ZNF804B: variants seen among roughly 807,000 people sequenced by gnomAD.
ZNF804B encodes the protein zinc finger 804B.
ZNF804B carries 80 observed loss-of-function variants against 101.4 expected under a neutral mutation model. The ratio of observed to expected loss-of-function variants is 0.79; its 90% CI spans 0.66 to 0.95. The LOEUF is 0.95. Ranked by LOEUF, ZNF804B falls within the 40% of genes least tolerant of loss-of-function variation. ZNF804B has a pLI of 0.00. For missense variants in ZNF804B, 1,673 were observed against 1,561.9 expected (o/e 1.07, Z -1.20); for synonymous variants, 622 against 558.8 (o/e 1.11, Z -1.59).
chr7:88,978,823 C>G (rs916789260), intron 1 of ZNF804B, among the ~76,000 whole-genome samples: 1 of 148,180 alleles, frequency 6.7e-6, no homozygotes, highest in Admixed American at 6.8e-5. Flanking sequence ...TCCCTCCCTC[C>G]TTCCTTCCTT....
At chr7:89,068,447 C>T (rs1426237800) in intron 1 of ZNF804B, among the ~76,000 whole-genome samples, 2 of 151,856 alleles carry the variant, frequency 1.3e-5, no homozygotes, top group Non-Finnish European at 2.9e-5. Flanking sequence ...TATTTTTATT[C>T]ACTGATTTTT....
intron 1 of ZNF804B, among the ~76,000 whole-genome samples, chr7:88,930,816 T>A (rs1183830832): frequency 6.6e-6 from 1 of 151,934 alleles, no homozygotes; most frequent in Admixed American, 6.6e-5. Context: ...ACATGCAGAA[T>A]CATGCAGGCG....
At chr7:89,170,509 A>T (rs1332192671) in intron 1 of ZNF804B, among the ~76,000 whole-genome samples, 2 of 152,190 alleles carry the variant, frequency 1.3e-5, no homozygotes, top group African/African-American at 4.8e-5. Flanking sequence ...TGAGCTGGGA[A>T]TATTGAAGTT....
At chr7:89,027,626 A>G (rs754525907) in intron 1 of ZNF804B, among the ~76,000 whole-genome samples, 7 of 152,276 alleles carry the variant, frequency 4.6e-5, no homozygotes, top group Non-Finnish European at 8.8e-5. Flanking sequence ...TCCCTCTCTC[A>G]TTATGTATAG....
At chr7:88,937,048 G>A (rs558505810) in intron 1 of ZNF804B, among the ~76,000 whole-genome samples, 46 of 150,742 alleles carry the variant, frequency 3.1e-4, no homozygotes, top group African/African-American at 1.1e-3. Flanking sequence ...TAGCAGATTA[G>A]GCTGTTGGAA....
chr7:89,244,444 G>A (rs1486056441), intron 2 of ZNF804B, among the ~76,000 whole-genome samples: 1 of 151,962 alleles, frequency 6.6e-6, no homozygotes, highest in Non-Finnish European at 1.5e-5. Flanking sequence ...TTTCAGATAT[G>A]TTTTGCTAGA....
At chr7:89,219,881 G>A (rs1267871564) in intron 2 of ZNF804B, among the ~76,000 whole-genome samples, 1 of 135,010 alleles carries the variant, frequency 7.4e-6, no homozygotes, top group African/African-American at 2.8e-5. Context: ...TGTAGTATAT[G>A]TGTGTATATA....
chr7:88,863,728 A>G (rs575833759), intron 1 of ZNF804B, among the ~76,000 whole-genome samples: 1 of 152,298 alleles, frequency 6.6e-6, no homozygotes, highest in African/African-American at 2.4e-5. Flanking sequence ...CTGTGATTTT[A>G]TTGCTAAGAG....
At chr7:89,183,479 A>C (rs1788330371) in intron 1 of ZNF804B, among the ~76,000 whole-genome samples, 1 of 152,170 alleles carries the variant, frequency 6.6e-6, no homozygotes. Context: ...ACTGATATTA[A>C]AAAGTCTGCA....
chr7:89,283,371 TCA>T (rs1030317372), intron 2 of ZNF804B, among the ~76,000 whole-genome samples: 3 of 152,228 alleles, frequency 2.0e-5, no homozygotes, highest in African/African-American at 7.2e-5. Context: ...ATACTTGGTA[TCA>T]CACGTATGCT....
At chr7:88,768,261 C>T (rs1003314092) in intron 1 of ZNF804B, among the ~76,000 whole-genome samples, 1 of 152,094 alleles carries the variant, frequency 6.6e-6, no homozygotes, top group African/African-American at 2.4e-5. Flanking sequence ...ATTTAAAAAC[C>T]ACTTAAACTT....
At chr7:88,902,110 C>T (rs74909286) in intron 1 of ZNF804B, among the ~76,000 whole-genome samples, 1,656 of 151,996 alleles carry the variant, frequency 0.011, 21 homozygotes, top group Middle Eastern at 0.024. Context: ...AAACCCGATA[C>T]ACTTTCTCTT....
At chr7:88,931,440 A>G (rs939081817) in intron 1 of ZNF804B, among the ~76,000 whole-genome samples, 1 of 151,898 alleles carries the variant, frequency 6.6e-6, no homozygotes, top group Non-Finnish European at 1.5e-5. Context: ...TATTTACATA[A>G]GGATACAGGT....
At chr7:88,934,603 AG>A (rs1792938944) in intron 1 of ZNF804B, among the ~76,000 whole-genome samples, 1 of 152,024 alleles carries the variant, frequency 6.6e-6, no homozygotes, top group Non-Finnish European at 1.5e-5. Context: ...ACAATTCTCA[AG>A]AAAGGATAAA....
chr7:89,025,069 A>G (rs1788728414), intron 1 of ZNF804B, among the ~76,000 whole-genome samples: 1 of 151,950 alleles, frequency 6.6e-6, no homozygotes. Flanking sequence ...AGTCTTTCCA[A>G]TTTTCTTTTC....
chr7:88,794,718 T>G (rs1157478765), intron 1 of ZNF804B: 1 of 1,613,592 alleles, frequency 6.2e-7, no homozygotes, highest in East Asian at 2.2e-5. Context: ...GTTTCAAAAC[T>G]GACTGAAACA....
intron 1 of ZNF804B, among the ~76,000 whole-genome samples, chr7:89,006,154 G>A (rs956578504): frequency 1.4e-4 from 21 of 151,980 alleles, no homozygotes; most frequent in Non-Finnish European, 3.1e-4. Flanking sequence ...CTCAAAGCAA[G>A]GGCATTTTTT....
chr7:89,149,562 A>G (rs925369754), intron 1 of ZNF804B, among the ~76,000 whole-genome samples: 2 of 152,100 alleles, frequency 1.3e-5, no homozygotes, highest in East Asian at 3.9e-4. Context: ...CAACTATTCT[A>G]TTGCAAAAAT....
At chr7:89,078,447 T>G (rs879754400) in intron 1 of ZNF804B, among the ~76,000 whole-genome samples, 1 of 143,094 alleles carries the variant, frequency 7.0e-6, no homozygotes, top group Non-Finnish European at 1.6e-5. Flanking sequence ...AATATATTGC[T>G]GAGAAAATAA....
Sources: gnomAD v4.1 joint callset for allele counts (sites outside exome capture counted in the v4.1 genomes callset) on GRCh38, gnomAD v4.1.1 for gene constraint, MANE v1.5 for transcripts, NCBI Gene and HGNC (gene_info 2026-07-23, HGNC 2026-07-21) for gene names.